CYRIB: variants seen among roughly 807,000 people sequenced by gnomAD.
CYRIB encodes CYFIP-related Rac1 interactor B.
In CYRIB, 8 loss-of-function variants were observed where a neutral mutation model predicts 44.2. The ratio of observed to expected loss-of-function variants is 0.18; its 90% CI spans 0.11 to 0.33. CYRIB has a LOEUF of 0.33. Ranked by LOEUF, CYRIB falls within the 10% of genes least tolerant of loss-of-function variation. The pLI is 1.00. For missense variants in CYRIB, 185 were observed against 382.8 expected, an observed-to-expected ratio of 0.48 and a Z score of 4.31; for synonymous variants, 131 against 127.2, an observed-to-expected ratio of 1.03 and a Z score of -0.20.
chr8:129,857,891 G>T (rs1162841808), intron 5 of CYRIB, among the ~76,000 whole-genome samples: 1 of 152,222 alleles, frequency 6.6e-6, no homozygotes, highest in African/African-American at 2.4e-5. Context: ...ACTTTATCAA[G>T]TCTCAGGGTT....
At chr8:129,911,483 G>A (rs2077980457) in intron 1 of CYRIB, among the ~76,000 whole-genome samples, 1 of 151,910 alleles carries the variant, frequency 6.6e-6, no homozygotes, top group Non-Finnish European at 1.5e-5. Context: ...TTCTTTTATT[G>A]TAAAATTAAA....
chr8:129,870,647 T>C (rs1283121210), intron 4 of CYRIB, among the ~76,000 whole-genome samples: 2 of 152,034 alleles, frequency 1.3e-5, no homozygotes, highest in African/African-American at 2.4e-5. Context: ...TTATAGACAA[T>C]AATAAACAAA....
chr8:129,958,837 G>A lies in CYRIB; in HGVS notation c.-243+12106C>T, dbSNP rs571500040. Among the ~76,000 whole-genome samples, 299 of 151,384 alleles carry A rather than the reference G, an allele frequency of 2.0e-3. 3 individuals are homozygous for A. Among genetic ancestry groups the A allele is most frequent in the Admixed American group, 4.1e-3 (62 of 15,218 alleles). ...TCCCAACACTTTGGGAGGCTGAGGCGGGTGGATCACGAGGTCAGGAGTTCA... is the reference window on the plus strand; with the variant it reads ...TCCCAACACTTTGGGAGGCTGAGGCAGGTGGATCACGAGGTCAGGAGTTCA... On this transcript the variant is annotated intron_variant, in intron 2 of 14. Transcript: ENST00000401979.
At chr8:129,933,805 C>T (rs570483337) in intron 1 of CYRIB, among the ~76,000 whole-genome samples, 1 of 151,502 alleles carries the variant, frequency 6.6e-6, no homozygotes, top group East Asian at 2.0e-4. Flanking sequence ...ACCCAGGAGG[C>T]GGAGGTTGTA....
chr8:129,867,063 AG>A (rs997293008), intron 4 of CYRIB, among the ~76,000 whole-genome samples: 4 of 152,178 alleles, frequency 2.6e-5, no homozygotes, highest in African/African-American at 9.6e-5. Flanking sequence ...CTGAGACAGA[AG>A]GATCGCTTGA....
chr8:129,868,264 A>G (rs73408509), intron 4 of CYRIB, among the ~76,000 whole-genome samples: 83 of 152,314 alleles, frequency 5.4e-4, no homozygotes, highest in African/African-American at 1.9e-3. Context: ...AAAAATTTCA[A>G]CTGCTTCAAT....
chr8:129,871,169 T>C (rs1234173405), intron 4 of CYRIB, among the ~76,000 whole-genome samples: 1 of 152,238 alleles, frequency 6.6e-6, no homozygotes, highest in East Asian at 1.9e-4. Context: ...ATTTTCTTAA[T>C]TTACAAAAAC....
intron 1 of CYRIB, among the ~76,000 whole-genome samples, chr8:130,003,592 C>T (rs189266190): frequency 3.4e-4 from 52 of 152,346 alleles, no homozygotes; most frequent in African/African-American, 1.1e-3. Context: ...ATCCATAATG[C>T]ATGCGAGGAT....
intron 4 of CYRIB, among the ~76,000 whole-genome samples, chr8:129,862,700 G>C (rs1267635026): frequency 1.3e-5 from 2 of 152,146 alleles, no homozygotes; most frequent in Non-Finnish European, 2.9e-5. Context: ...TCGAACTCCT[G>C]ACCTCAGGTG....
At chr8:129,951,353 G>T (rs1381105093) in intron 2 of CYRIB, among the ~76,000 whole-genome samples, 1 of 150,888 alleles carries the variant, frequency 6.6e-6, no homozygotes, top group East Asian at 2.0e-4. Flanking sequence ...TAGTCCTAAG[G>T]TTCTCAATAC....
chr8:129,915,944 T>C (rs972004865), intron 1 of CYRIB, among the ~76,000 whole-genome samples: 1 of 152,162 alleles, frequency 6.6e-6, no homozygotes, highest in African/African-American at 2.4e-5. Flanking sequence ...TGAAATCTGA[T>C]ATATAGGTGA....
At chr8:129,925,836 A>AG (rs1201591125) in intron 1 of CYRIB, among the ~76,000 whole-genome samples, 1 of 152,194 alleles carries the variant, frequency 6.6e-6, no homozygotes, top group East Asian at 1.9e-4. Context: ...TCTTTACTGG[A>AG]GGGGGAGTAC....
chr8:129,908,509 T>C (rs900761825), intron 1 of CYRIB, among the ~76,000 whole-genome samples: 3 of 152,192 alleles, frequency 2.0e-5, no homozygotes, highest in Non-Finnish European at 4.4e-5. Context: ...AATTAGGTTA[T>C]CTATGCATCC....
At chr8:129,859,024 G>A (rs1387659342) in intron 5 of CYRIB, among the ~76,000 whole-genome samples, 1 of 152,164 alleles carries the variant, frequency 6.6e-6, no homozygotes, top group Non-Finnish European at 1.5e-5. Context: ...GGGCCCGGGG[G>A]ACCACTACCA....
chr8:130,011,243 A>T (rs553946794), intron 1 of CYRIB, among the ~76,000 whole-genome samples: 3 of 152,146 alleles, frequency 2.0e-5, no homozygotes, highest in Non-Finnish European at 2.9e-5. Flanking sequence ...TGAGGCGGCC[A>T]GGCGTAATGG....
chr8:130,003,479 C>G (rs1383450432), intron 1 of CYRIB, among the ~76,000 whole-genome samples: 2 of 152,296 alleles, frequency 1.3e-5, no homozygotes, highest in African/African-American at 4.8e-5. Flanking sequence ...TCAGGGACAC[C>G]TGTTGGGTTT....
At chr8:129,947,448 T>C (rs1435735971) in intron 2 of CYRIB, among the ~76,000 whole-genome samples, 4 of 152,164 alleles carry the variant, frequency 2.6e-5, no homozygotes, top group Admixed American at 2.6e-4. Flanking sequence ...CTTGTTACAA[T>C]GTCAGCTGTG....
At chr8:129,921,172 G>A (rs556026072) in intron 1 of CYRIB, among the ~76,000 whole-genome samples, 23 of 152,118 alleles carry the variant, frequency 1.5e-4, no homozygotes, top group Non-Finnish European at 3.1e-4. Flanking sequence ...AAGTTAAATT[G>A]TATGTAGCCA....
At position 129,883,512 on chromosome 8, in the gene CYRIB, T is replaced by C. The variant is rs533122510; in HGVS notation, c.-10-4041A>G. ...TTTCAAAGCTCTAAAAACAGTCCCATTATAACATTATCGGTTCTCCTATCC... is the reference window on the plus strand; with the variant it reads ...TTTCAAAGCTCTAAAAACAGTCCCACTATAACATTATCGGTTCTCCTATCC... On this transcript the variant is annotated intron_variant, in intron 2 of 11. Transcript: ENST00000519824. Among the ~76,000 whole-genome samples, 245 of 152,260 alleles carry C rather than the reference T, an allele frequency of 1.6e-3. 1 individual carries two copies. The highest frequency in any genetic ancestry group is 3.1e-3 in the Non-Finnish European group (210 of 68,026).
Sources: gnomAD v4.1 joint callset for allele counts (sites outside exome capture counted in the v4.1 genomes callset) on GRCh38, gnomAD v4.1.1 for gene constraint, MANE v1.5 for transcripts, NCBI Gene and HGNC (gene_info 2026-07-23, HGNC 2026-07-21) for gene names.